NTM: variants seen among roughly 807,000 people sequenced by gnomAD.
NTM encodes IgLON family member 2.
A neutral mutation model predicts 42.1 loss-of-function variants in NTM; 13 were observed. The observed-to-expected ratio is 0.31, with a 90% CI of 0.20 to 0.49. NTM has a LOEUF of 0.49. NTM is among the 20% of genes least tolerant of loss of function. NTM has a pLI of 0.99. For missense variants in NTM, 373 were observed against 452.8 expected, an observed-to-expected ratio of 0.82 and a Z score of 1.60; for synonymous variants, 187 against 179.2, an observed-to-expected ratio of 1.04 and a Z score of -0.35.
At chr11:132,105,096 C>T (rs1367356777) in intron 2 of NTM, among the ~76,000 whole-genome samples, 1 of 150,594 alleles carries the variant, frequency 6.6e-6, no homozygotes, top group Non-Finnish European at 1.5e-5. Flanking sequence ...GAGGAGACCT[C>T]AGGTTCACTG....
intron 1 of NTM, among the ~76,000 whole-genome samples, chr11:131,526,781 C>A (rs1197929818): frequency 1.3e-5 from 2 of 152,196 alleles, no homozygotes. Context: ...CAAGTGTCAG[C>A]ATTTGATTTG....
At chr11:131,709,331 G>T (rs1223400518) in intron 1 of NTM, among the ~76,000 whole-genome samples, 1 of 152,178 alleles carries the variant, frequency 6.6e-6, no homozygotes, top group Non-Finnish European at 1.5e-5. Context: ...GATCCCTGTG[G>T]TTGCACTGGT....
In NTM at chr11:131,768,065, T is replaced by C. The variant is rs533956705; in HGVS notation, c.83-143499T>C. On this transcript the variant is annotated intron_variant, in intron 1 of 8. Transcript: ENST00000683400. Reference sequence around the variant, plus strand: ...ATTTTTTTATTTTTTGGTCCATGATTAGAGTTTCAGCCTTCTGACATCAAA... The same window carrying C: ...ATTTTTTTATTTTTTGGTCCATGATCAGAGTTTCAGCCTTCTGACATCAAA... Among the ~76,000 whole-genome samples the C allele has an allele frequency of 2.9e-4, 44 of 152,166 alleles. 1 individual carries two copies. Among genetic ancestry groups the C allele is most frequent in the Admixed American group, 2.7e-3 (42 of 15,278 alleles).
intron 4 of NTM, among the ~76,000 whole-genome samples, chr11:132,296,235 G>C (rs917755851): frequency 6.6e-6 from 1 of 152,058 alleles, no homozygotes; most frequent in Non-Finnish European, 1.5e-5. Context: ...CCTCCAGGAC[G>C]GCCATGCAGA....
At chr11:131,601,702 C>T (rs1380778076) in intron 1 of NTM, among the ~76,000 whole-genome samples, 2 of 152,190 alleles carry the variant, frequency 1.3e-5, no homozygotes, top group Non-Finnish European at 2.9e-5. Context: ...CTTCTGACTA[C>T]AAGTTTCTCA....
chr11:131,432,876 C>G (rs756838440), intron 1 of NTM, among the ~76,000 whole-genome samples: 1 of 72,240 alleles, frequency 1.4e-5, no homozygotes, highest in Non-Finnish European at 2.7e-5. Context: ...TTTTTTGAGA[C>G]GGAGTCTCAC....
At chr11:131,600,040 C>G (rs2458774) in intron 1 of NTM, among the ~76,000 whole-genome samples, 121,160 of 152,188 alleles carry the variant, frequency 0.8, 48,268 homozygotes, top group African/African-American at 0.83. Context: ...CGAGGCGGCT[C>G]ACCTCTGGGG....
intron 4 of NTM, among the ~76,000 whole-genome samples, chr11:132,244,192 T>C (rs1377374467): frequency 1.3e-5 from 2 of 152,156 alleles, no homozygotes; most frequent in East Asian, 3.9e-4. Flanking sequence ...AAGGGAGGGA[T>C]GGCCAGTCCC....
intron 1 of NTM, among the ~76,000 whole-genome samples, chr11:131,749,815 G>A (rs2082262744): frequency 6.6e-6 from 1 of 152,100 alleles, no homozygotes; most frequent in Admixed American, 6.5e-5. Context: ...GGTCAGGCTG[G>A]TCTCAAACTC....
intron 3 of NTM, among the ~76,000 whole-genome samples, chr11:132,180,315 T>A (rs1220015093): frequency 6.6e-6 from 1 of 152,158 alleles, no homozygotes; most frequent in Non-Finnish European, 1.5e-5. Context: ...CTGACAGTCA[T>A]GTTAAGTCTA....
chr11:131,643,678 A>C (rs879912166), intron 1 of NTM, among the ~76,000 whole-genome samples: 1 of 152,160 alleles, frequency 6.6e-6, no homozygotes, highest in African/African-American at 2.4e-5. Flanking sequence ...TCAACTGTTT[A>C]AAAAATACGC....
intron 1 of NTM, among the ~76,000 whole-genome samples, chr11:131,780,892 A>C (rs747849633): frequency 2.0e-5 from 3 of 152,164 alleles, no homozygotes; most frequent in Non-Finnish European, 4.4e-5. Flanking sequence ...AGAAAGAACT[A>C]ATAACCATAA....
At chr11:132,019,959 TA>T (rs1448940507) in intron 2 of NTM, among the ~76,000 whole-genome samples, 1 of 152,072 alleles carries the variant, frequency 6.6e-6, no homozygotes, top group African/African-American at 2.4e-5. Context: ...GTGTGTATAG[TA>T]CCTGACAGGT....
intron 7 of NTM, 99 bp from the exon 8 acceptor site, chr11:132,330,054 G>A (rs574382101): frequency 1.1e-5 from 17 of 1,524,672 alleles, no homozygotes; most frequent in South Asian, 7.5e-5. Flanking sequence ...ACGCTGCTGC[G>A]CCAGGAGCGC....
Position 132,294,935 on chromosome 11 carries a change from C to T in NTM, c.527-12754C>T, listed in dbSNP as rs895517653. Among the ~76,000 whole-genome samples, 4 of 152,276 alleles carry T rather than the reference C, an allele frequency of 2.6e-5. No individual in the cohort carries two copies. The East Asian group carries it at 5.8e-4, about 22-fold the overall frequency. ...ACACTGCATGCCAAGGAAGCAGGGA[C>T]ATTGGCTATAAGAGCTTTTAACTAA... On this transcript the variant is annotated intron_variant, in intron 4 of 8. Coordinates refer to ENST00000683400, the MANE Select transcript of NTM (RefSeq NM_001352005.2).
At chr11:131,768,144 C>T (rs1487198168) in intron 1 of NTM, among the ~76,000 whole-genome samples, 7 of 131,288 alleles carry the variant, frequency 5.3e-5, no homozygotes, top group South Asian at 2.4e-4. Context: ...TTTTTTGAGA[C>T]GGAGTCTTGC....
At chr11:132,320,962 G>A (rs1236719180) in intron 7 of NTM, among the ~76,000 whole-genome samples, 6 of 150,360 alleles carry the variant, frequency 4.0e-5, no homozygotes, top group Non-Finnish European at 5.9e-5. Context: ...TGCAGCTGAG[G>A]GTCCTGTCTG....
At chr11:131,782,658 A>G (rs1229803923) in intron 1 of NTM, among the ~76,000 whole-genome samples, 2 of 152,148 alleles carry the variant, frequency 1.3e-5, no homozygotes, top group Non-Finnish European at 2.9e-5. Context: ...TATGACAAGT[A>G]TATTTTATCC....
chr11:131,660,424 G>C (rs1376621166), intron 1 of NTM: 3 of 456,412 alleles, frequency 6.6e-6, no homozygotes, highest in Non-Finnish European at 1.3e-5. Context: ...ACTCAGAGCA[G>C]AGTCATTTGA....
Sources: allele counts gnomAD v4.1 joint callset (sites outside exome capture counted in the v4.1 genomes callset), GRCh38; gene constraint gnomAD v4.1.1; transcripts MANE v1.5; gene names NCBI Gene and HGNC (gene_info 2026-07-23, HGNC 2026-07-21).